The following SLC22A25 variants were observed in gnomAD, a reference collection of about 807,000 sequenced individuals.
SLC22A25 encodes solute carrier family 22 member 25, also known as MGI:2442751, MGI:2385316, MGI:3042283, MGI:3645714, MGI:3605624, MGI:2442750.
In SLC22A25, 44 loss-of-function variants were observed where a neutral mutation model predicts 45.9. The observed-to-expected ratio is 0.96, with a 90% CI of 0.75 to 1.23. The LOEUF is 1.23. SLC22A25 is among the 50% of genes most tolerant of loss of function. The pLI is 0.00. For synonymous variants in SLC22A25, 283 were observed against 238.6 expected, an observed-to-expected ratio of 1.19 and a Z score of -1.72; for missense variants, 800 against 666.4, an observed-to-expected ratio of 1.20 and a Z score of -2.21.
At chr11:63,173,905 T>C (rs1565066858) in intron 9 of SLC22A25, among the ~76,000 whole-genome samples, 1 of 151,592 alleles carries the variant, frequency 6.6e-6, no homozygotes, top group Non-Finnish European at 1.5e-5. Context: ...TTTTCTTTTT[T>C]TTTTTTTTTA....
intron 7 of SLC22A25, among the ~76,000 whole-genome samples, chr11:63,211,677 T>G (rs1230878891): frequency 6.6e-6 from 1 of 152,146 alleles, no homozygotes; most frequent in Non-Finnish European, 1.5e-5. Flanking sequence ...CAAGATGGAT[T>G]AAAGACTTAA....
intron 3 of SLC22A25, among the ~76,000 whole-genome samples, chr11:63,235,768 G>T (rs542977794): frequency 6.6e-6 from 1 of 152,092 alleles, no homozygotes; most frequent in Non-Finnish European, 1.5e-5. Context: ...CCCCATCTTT[G>T]TGGTTTTATC....
At position 63,229,401 on chromosome 11, in the gene SLC22A25, C is replaced by T; in HGVS notation, c.252G>A (p.Arg84=). The T allele has an allele frequency of 6.2e-7, 1 of 1,614,074 alleles. No homozygotes were observed. Among genetic ancestry groups the T allele is most frequent in the Non-Finnish European group, 8.5e-7 (1 of 1,179,976 alleles). Residue 84 remains arginine (R), a synonymous_variant, in exon 4 of 12, where the codon AGG becomes AGA. Transcript: ENST00000306494. ...GGACAAAGCGACGACACTTCTCTGGCCTCAGATTTGAGTCGAATGGGATGG... is the reference window on the plus strand; with the variant it reads ...GGACAAAGCGACGACACTTCTCTGGTCTCAGATTTGAGTCGAATGGGATGG... The part of the protein sequence containing the change: ...RISIPFDSNL[R]PEKCRRFVHP...
intron 7 of SLC22A25, among the ~76,000 whole-genome samples, chr11:63,214,653 A>C (rs2089664022): frequency 6.6e-6 from 1 of 152,162 alleles, no homozygotes; most frequent in African/African-American, 2.4e-5. Flanking sequence ...AAAAGTAAGA[A>C]ATGATGTAAT....
intron 9 of SLC22A25, among the ~76,000 whole-genome samples, chr11:63,173,708 T>C (rs1158765812): frequency 6.6e-6 from 1 of 152,124 alleles, no homozygotes; most frequent in Non-Finnish European, 1.5e-5. Context: ...TCCTTATGTA[T>C]ACTGCTCACT....
rs1411470487 is a variant in SLC22A25 at position 63,229,339 on chromosome 11, A to G, written c.314T>C (p.Phe105Ser). Residue 105 changes from phenylalanine (F) to serine (S), a missense_variant, in exon 4 of 12, where the codon TTC (phenylalanine) becomes TCC (serine). Coordinates refer to ENST00000306494, the MANE Select transcript of SLC22A25 (RefSeq NM_199352.6). ...TGTATCTGGCTCACTCGTGTTGGGG[A>G]AGGTCCCATTCAGATGAATGAGCTT... is the stretch of plus-strand genomic sequence containing the variant. ...QWKLIHLNGT[F>S]PNTSEPDTEP... 1 of 1,613,504 alleles carries G rather than the reference A, an allele frequency of 6.2e-7. No individual in the cohort carries two copies. The highest frequency in any genetic ancestry group is 8.5e-7 in the Non-Finnish European group (1 of 1,179,634).
rs141120928 is a variant in SLC22A25 at position 63,198,480 on chromosome 11, A to G, written c.831-14663T>C. Among the ~76,000 whole-genome samples, 357 of 152,312 alleles carry G rather than the reference A, an allele frequency of 2.3e-3. 1 individual carries two copies. The highest frequency in any genetic ancestry group is 8.1e-3 in the African/African-American group (335 of 41,562). On this transcript the variant is annotated intron_variant, in intron 7 of 11. Transcript: ENST00000306494. Reference sequence around the variant, plus strand: ...CAAACTGTTACAAGGACAGAAAACCAAACACCACATGGTCTCACTCATAGG... The same window carrying G: ...CAAACTGTTACAAGGACAGAAAACCGAACACCACATGGTCTCACTCATAGG...
chr11:63,214,131 T>G (rs991307604), intron 7 of SLC22A25, among the ~76,000 whole-genome samples: 16 of 152,232 alleles, frequency 1.1e-4, no homozygotes, highest in African/African-American at 3.9e-4. Context: ...AGGATGGTTC[T>G]TAGCTTTTGG....
At chr11:63,182,497 C>A (rs955279661) in intron 8 of SLC22A25, among the ~76,000 whole-genome samples, 85 of 151,454 alleles carry the variant, frequency 5.6e-4, no homozygotes, top group African/African-American at 1.8e-3. Flanking sequence ...TATATTCTCT[C>A]TATATATTCT....
At chr11:63,196,251 T>G (rs966302034) in intron 7 of SLC22A25, among the ~76,000 whole-genome samples, 26 of 152,200 alleles carry the variant, frequency 1.7e-4, no homozygotes, top group African/African-American at 6.3e-4. Context: ...TAACTCATTT[T>G]ATGAGGCCAG....
chr11:63,241,422 C>A (rs537576157), intron 1 of SLC22A25, among the ~76,000 whole-genome samples: 1 of 152,074 alleles, frequency 6.6e-6, no homozygotes, highest in Non-Finnish European at 1.5e-5. Context: ...AATAGAAAGA[C>A]CTTCACACCT....
At position 63,202,316 on chromosome 11, in the gene SLC22A25, G is replaced by A. The variant is rs573927179; in HGVS notation, c.830+14998C>T. ...GTGAGACAGAACCATTCACTCCCCT[G>A]TAAAGGGGGCACTGAAGCCAGGGAG... is the stretch of plus-strand genomic sequence containing the variant. On this transcript the variant is annotated intron_variant, in intron 7 of 11. Coordinates refer to ENST00000306494, the MANE Select transcript of SLC22A25 (RefSeq NM_199352.6). Among the ~76,000 whole-genome samples the A allele has an allele frequency of 5.9e-5, 9 of 152,008 alleles. 1 individual carries two copies. Among genetic ancestry groups the A allele is most frequent in the South Asian group, 4.2e-4 (2 of 4,816 alleles).
At chr11:63,173,899 C>CT (rs561742765) in intron 9 of SLC22A25, among the ~76,000 whole-genome samples, 54,463 of 140,596 alleles carry the variant, frequency 0.39, 10,357 homozygotes, top group East Asian at 0.56. Context: ...ATTTTCTTTT[C>CT]TTTTTTTTTT....
rs11501489 is a variant in SLC22A25, at chr11:63,224,961, T to C, written c.506+3500A>G. 5.9e-3 allele frequency among the ~76,000 whole-genome samples: 903 copies of C among 152,082 alleles called. 6 individuals are homozygous for C. Among genetic ancestry groups the C allele is most frequent in the African/African-American group, 0.016 (683 of 41,488 alleles). Reference sequence around the variant, plus strand: ...AAAAATACAAAAAATTAGCCAGGCGTGGTGGCGGGCGCCTGTAGTCCCAGC... The same window carrying C: ...AAAAATACAAAAAATTAGCCAGGCGCGGTGGCGGGCGCCTGTAGTCCCAGC... On this transcript the variant is annotated intron_variant, in intron 5 of 11. Transcript: ENST00000306494.
At chr11:63,207,747 C>T (rs1237454490) in intron 7 of SLC22A25, among the ~76,000 whole-genome samples, 1 of 152,120 alleles carries the variant, frequency 6.6e-6, no homozygotes, top group African/African-American at 2.4e-5. Flanking sequence ...ATTGTGAAGA[C>T]CCTGTTTCTC....
chr11:63,232,259 C>T (rs966766654), intron 3 of SLC22A25, among the ~76,000 whole-genome samples: 10 of 152,156 alleles, frequency 6.6e-5, no homozygotes, highest in Non-Finnish European at 1.2e-4. Flanking sequence ...TTCTTCCTAC[C>T]CGTGAGCATG....
intron 5 of SLC22A25, chr11:63,220,060 C>T (rs1406440647): frequency 3.3e-6 from 4 of 1,228,674 alleles, no homozygotes; most frequent in Non-Finnish European, 4.3e-6. Context: ...TAGAGGGTAC[C>T]CCAAACTTCT....
chr11:63,186,567 T>G (rs2088557666), intron 7 of SLC22A25, among the ~76,000 whole-genome samples: 1 of 152,224 alleles, frequency 6.6e-6, no homozygotes, highest in African/African-American at 2.4e-5. Context: ...CATTTGTCAA[T>G]TTTGGCTTTT....
intron 5 of SLC22A25, among the ~76,000 whole-genome samples, chr11:63,225,441 A>G (rs984029756): frequency 1.3e-5 from 2 of 152,154 alleles, no homozygotes; most frequent in Non-Finnish European, 2.9e-5. Flanking sequence ...TCAGCACTTT[A>G]AGTATATCAT....
Sources: gnomAD v4.1 joint callset for allele counts (sites outside exome capture counted in the v4.1 genomes callset) on GRCh38, gnomAD v4.1.1 for gene constraint, MANE v1.5 for transcripts, NCBI Gene and HGNC (gene_info 2026-07-23, HGNC 2026-07-21) for gene names.